C6orf89: variants seen among roughly 807,000 people sequenced by gnomAD.
C6orf89 encodes the protein chromosome 6 open reading frame 89, also known as bombesin receptor-activated protein C6orf89.
Under a neutral mutation model 40.7 loss-of-function variants are expected in C6orf89, and 29 were observed. The observed-to-expected ratio is 0.71, with a 90% CI of 0.53 to 0.97. C6orf89 has a LOEUF of 0.97. Ranked by LOEUF, C6orf89 falls within the 50% of genes least tolerant of loss-of-function variation. C6orf89 has a pLI of 0.00. For synonymous variants in C6orf89, 165 were observed against 152.2 expected (o/e 1.08, Z -0.62); for missense variants, 392 against 429.1 (o/e 0.91, Z 0.76).
chr6:36,886,056 G>C (rs566282545), intron 1 of C6orf89, 28 bp downstream of exon 1: 15 of 1,205,064 alleles, frequency 1.2e-5, no homozygotes, highest in African/African-American at 1.9e-5. Context: ...GAGGCTGGGT[G>C]GGGGGAGGCC....
intron 1 of C6orf89, among the ~76,000 whole-genome samples, chr6:36,878,592 A>G (rs543785671): frequency 6.6e-6 from 1 of 152,380 alleles, no homozygotes; most frequent in African/African-American, 2.4e-5. Context: ...AGCAAACTAA[A>G]TATGGCCTGA....
chr6:36,914,506 C>T, intron 5 of C6orf89, 48 bp from the exon 6 acceptor site: 1 of 1,611,850 alleles, frequency 6.2e-7, no homozygotes, highest in Non-Finnish European at 8.5e-7. Context: ...TAGGAAATTT[C>T]TGACAAGTAA....
At chr6:36,904,900 A>G (rs931915567) in intron 4 of C6orf89, among the ~76,000 whole-genome samples, 1 of 152,098 alleles carries the variant, frequency 6.6e-6, no homozygotes, top group Non-Finnish European at 1.5e-5. Flanking sequence ...ACCACCACCA[A>G]TGACTGGAAG....
intron 2 of C6orf89, among the ~76,000 whole-genome samples, chr6:36,897,768 G>C (rs1055421587): frequency 1.3e-5 from 2 of 152,190 alleles, no homozygotes; most frequent in African/African-American, 2.4e-5. Flanking sequence ...CACACTGCTG[G>C]AAGAGGAGGT....
chr6:36,898,711 T>G (rs1159940341), intron 2 of C6orf89, among the ~76,000 whole-genome samples: 3 of 152,192 alleles, frequency 2.0e-5, no homozygotes, highest in Non-Finnish European at 4.4e-5. Flanking sequence ...ACAAATTGAA[T>G]TTTTAAATTA....
intron 4 of C6orf89, among the ~76,000 whole-genome samples, chr6:36,911,515 T>C (rs1762124464): frequency 6.6e-6 from 1 of 151,846 alleles, no homozygotes; most frequent in African/African-American, 2.4e-5. Context: ...TAATAATAAT[T>C]AAATAAATTA....
intron 2 of C6orf89, among the ~76,000 whole-genome samples, chr6:36,898,405 G>T (rs1470640724): frequency 6.6e-6 from 1 of 151,068 alleles, no homozygotes; most frequent in African/African-American, 2.4e-5. Context: ...TCAGCCGCCC[G>T]AGTAGCTGGG....
chr6:36,876,662 T>C (rs1048233742), intron 1 of C6orf89, among the ~76,000 whole-genome samples: 1 of 147,570 alleles, frequency 6.8e-6, no homozygotes, highest in Non-Finnish European at 1.5e-5. Flanking sequence ...AGGTGGAGGC[T>C]GCAGTGAGCA....
intron 4 of C6orf89, among the ~76,000 whole-genome samples, chr6:36,908,490 C>G (rs1762007352): frequency 1.3e-5 from 2 of 152,178 alleles, no homozygotes; most frequent in Admixed American, 6.5e-5. Flanking sequence ...TTTCTCATCT[C>G]TATCCTTTTA....
chr6:36,912,568 C>T (rs182280032), intron 4 of C6orf89, among the ~76,000 whole-genome samples: 2 of 152,308 alleles, frequency 1.3e-5, no homozygotes, highest in Non-Finnish European at 2.9e-5. Context: ...AACTTTGCAG[C>T]CTCAGTGTGC....
chr6:36,899,332 G>A lies in C6orf89; in HGVS notation c.-19-94G>A, dbSNP rs901880749. ...GAGGATTGAGGAAAGCACAAAACTG[G>A]TCCTTCTCTACAGATGGTCAAGTAG... On this transcript the variant is annotated intron_variant, in intron 2 of 8. Coordinates refer to ENST00000480824, the MANE Select transcript of C6orf89 (RefSeq NM_001286635.2). 6.5e-6 allele frequency: 7 copies of A among 1,076,136 alleles called. No individual in the cohort carries two copies. The African/African-American group carries it at 1.1e-4, about 17-fold the overall frequency. The allele number at this position is 1,076,136 out of a possible 1,614,324, so 66.7% of individuals were successfully genotyped here.
intron 6 of C6orf89, among the ~76,000 whole-genome samples, chr6:36,916,201 A>G (rs763598996): frequency 6.6e-6 from 1 of 152,100 alleles, no homozygotes; most frequent in African/African-American, 2.4e-5. Flanking sequence ...TTTAGCTGCA[A>G]TTTAGAAACA....
upstream of C6orf89, among the ~76,000 whole-genome samples, chr6:36,884,625 G>C (rs979637157): frequency 1.5e-4 from 23 of 152,186 alleles, no homozygotes; most frequent in Non-Finnish European, 2.6e-4. This position sits in a 1 kb window ranked among gnomAD's most constrained non-coding sequence, Gnocchi z 4.0. Context: ...CCAAAATGAT[G>C]TAACTGAGAG....
chr6:36,883,213 A>G (rs890245620), upstream of C6orf89: 1 of 152,214 alleles, frequency 6.6e-6, no homozygotes, highest in Non-Finnish European at 1.5e-5. Flanking sequence ...TCGTCTGAGA[A>G]CACCAGAGAA....
rs143850053 is a variant in C6orf89 at position 36,914,621 on chromosome 6, G to A, written c.623G>A (p.Gly208Asp). ...FLCQYPEATE[G>D]FSEGFFAKWW... The stretch of plus-strand genomic sequence containing the variant: ...TGCCAGTACCCTGAGGCGACAGAAG[G>A]CTTCTCTGAAGGGTTTTTCGCCAAG... Residue 208 changes from glycine to aspartate, a missense_variant, in exon 6 of 9, where the codon GGC (glycine) becomes GAC (aspartate). Gly to Asp is a moderately conservative substitution (Grantham distance 94, BLOSUM62 -1). Coordinates refer to ENST00000480824, the MANE Select transcript of C6orf89 (RefSeq NM_001286635.2). 6.2e-7 allele frequency: 1 copy of A among 1,614,262 alleles called. No homozygotes were observed. Among genetic ancestry groups the A allele is most frequent in the Non-Finnish European group, 8.5e-7 (1 of 1,180,052 alleles).
intron 1 of C6orf89, among the ~76,000 whole-genome samples, chr6:36,886,846 G>A (rs902152879): frequency 3.0e-4 from 46 of 152,006 alleles, no homozygotes; most frequent in African/African-American, 1.1e-3. Flanking sequence ...TTCCCTCTAG[G>A]GAATAACATG....
chr6:36,902,168 G>T, intron 3 of C6orf89, 53 bp from the exon 4 acceptor site: 1 of 1,472,724 alleles, frequency 6.8e-7, no homozygotes, highest in South Asian at 1.1e-5. Flanking sequence ...TTTTTTCTTG[G>T]TATTAAGGTA....
intron 4 of C6orf89, among the ~76,000 whole-genome samples, chr6:36,903,621 G>A (rs7762378): frequency 0.017 from 2,578 of 152,038 alleles, 67 homozygotes; most frequent in African/African-American, 0.056. Flanking sequence ...CACCACGCCC[G>A]GCTAATTTTT....
chr6:36,886,716 C>G (rs991893832), intron 1 of C6orf89, among the ~76,000 whole-genome samples: 2 of 152,234 alleles, frequency 1.3e-5, no homozygotes, highest in Non-Finnish European at 2.9e-5. Flanking sequence ...ATAGAGACTA[C>G]TTCCAGATAC....
Sources: allele counts gnomAD v4.1 joint callset (sites outside exome capture counted in the v4.1 genomes callset), GRCh38; gene constraint gnomAD v4.1.1; non-coding constraint Gnocchi (gnomAD v3.1); transcripts MANE v1.5; gene names NCBI Gene and HGNC (gene_info 2026-07-23, HGNC 2026-07-21).